HTT: variants seen among roughly 807,000 people sequenced by gnomAD.
HTT encodes the protein huntington disease protein.
In HTT, 104 loss-of-function variants were observed where a neutral mutation model predicts 362.3. The ratio of observed to expected loss-of-function variants is 0.29; its 90% CI spans 0.24 to 0.34. The LOEUF (loss-of-function observed/expected upper bound fraction) is 0.34. Among genes scored for constraint, HTT ranks in the 10% least tolerant of loss-of-function variants. The probability of loss-of-function intolerance (pLI) is 1.00; values close to 1 mark genes in which losing one functional copy is unlikely to be tolerated. For synonymous variants in HTT, 1,577 were observed against 1,548.7 expected, an observed-to-expected ratio of 1.02 and a Z score of -0.43; for missense variants, 3,301 against 3,928.6, an observed-to-expected ratio of 0.84 and a Z score of 4.27.
At chr4:3,151,647 T>C (rs953354394) in intron 26 of HTT, among the ~76,000 whole-genome samples, 2 of 152,174 alleles carry the variant, frequency 1.3e-5, no homozygotes, top group Non-Finnish European at 2.9e-5. Context: ...ATGCTCCTTA[T>C]GAGAATCTAA....
chr4:3,082,178 T>C (rs1023123882), intron 1 of HTT, among the ~76,000 whole-genome samples: 1 of 152,088 alleles, frequency 6.6e-6, no homozygotes. Flanking sequence ...GTAATTCTTA[T>C]TAATTGCTAT....
intron 29 of HTT, among the ~76,000 whole-genome samples, chr4:3,170,331 T>A (rs1441938831): frequency 1.3e-5 from 2 of 152,162 alleles, no homozygotes; most frequent in Non-Finnish European, 1.5e-5. Flanking sequence ...TCTTTAGGAA[T>A]AATTAGGTAC....
intron 28 of HTT, among the ~76,000 whole-genome samples, chr4:3,158,011 T>C (rs1717242445): frequency 6.6e-6 from 1 of 151,986 alleles, no homozygotes; most frequent in Admixed American, 6.6e-5. Flanking sequence ...TTTTCTTTTT[T>C]AGACAGAGTC....
At chr4:3,160,431 A>C in intron 29 of HTT, 39 bp downstream of exon 29, 1 of 1,338,880 alleles carries the variant, frequency 7.5e-7, no homozygotes, top group South Asian at 1.3e-5. Context: ...TGTGGCTGGC[A>C]CACTTGATGT....
intron 6 of HTT, among the ~76,000 whole-genome samples, chr4:3,113,500 T>G (rs1222914993): frequency 2.0e-5 from 3 of 152,114 alleles, no homozygotes; most frequent in Admixed American, 6.5e-5. Flanking sequence ...TGGCTAATGT[T>G]TGTATTTTTA....
At position 3,228,808 on chromosome 4, in the gene HTT, G is replaced by A; in HGVS notation, c.7979+63G>A. 6.3e-7 allele frequency: 1 copy of A among 1,579,100 alleles called. No homozygotes were observed. The highest frequency in any genetic ancestry group is 8.6e-7 in the Non-Finnish European group (1 of 1,156,200). On this transcript the variant is annotated intron_variant, in intron 58 of 66. Transcript: ENST00000355072. The surrounding 1 kb of genome is among the most constrained non-coding windows in gnomAD (Gnocchi z 4.3). The stretch of plus-strand genomic sequence containing the variant: ...AAATTTCTTATCAGTCATTTGATTT[G>A]TTTGAGGTGCTTCTTGAAATGAGCC...
At chr4:3,151,253 C>G in intron 26 of HTT, among the ~76,000 whole-genome samples, 1 of 152,072 alleles carries the variant, frequency 6.6e-6, no homozygotes, top group East Asian at 1.9e-4. Context: ...GCTGTACAGG[C>G]TTCTGTTTCT....
intron 1 of HTT, among the ~76,000 whole-genome samples, chr4:3,084,795 C>T (rs753440998): frequency 6.6e-6 from 1 of 151,848 alleles, no homozygotes; most frequent in Admixed American, 6.6e-5. Flanking sequence ...GGGCAGATCA[C>T]GAGGTCAGGA....
chr4:3,175,257 T>A, intron 33 of HTT, 150 bp downstream of exon 33: 1 of 750,052 alleles, frequency 1.3e-6, no homozygotes, highest in Non-Finnish European at 2.1e-6. Context: ...ACCTAGCTGG[T>A]GCAGAAGGCC....
chr4:3,105,192 T>C (rs936913827), intron 4 of HTT, among the ~76,000 whole-genome samples, 165 bp from the exon 5 acceptor site: 2 of 152,234 alleles, frequency 1.3e-5, no homozygotes, highest in African/African-American at 4.8e-5. Flanking sequence ...ATCTTTATAA[T>C]TGAAGCCCAC....
At chr4:3,159,520 T>G (rs1016512602) in intron 28 of HTT, among the ~76,000 whole-genome samples, 4 of 152,370 alleles carry the variant, frequency 2.6e-5, no homozygotes, top group Middle Eastern at 3.4e-3. Flanking sequence ...TTGGCTGGCC[T>G]TAGGGCACAC....
chr4:3,243,617 C>T lies in HTT; in HGVS notation c.*3558C>T, dbSNP rs990582090. On this transcript the variant is annotated 3_prime_UTR_variant, in exon 67 of 67. Coordinates refer to ENST00000355072, the MANE Select transcript of HTT (RefSeq NM_001388492.1). ...TGGTGCAGTCAAAGGAACGCCTTCC[C>T]CTCAGTTGTTTCTAAGAGCAGAGTC... is the stretch of plus-strand genomic sequence containing the variant. 6.6e-6 allele frequency: 1 copy of T among 152,284 alleles called. No individual in the cohort carries two copies. Among genetic ancestry groups the T allele is most frequent in the Non-Finnish European group, 1.5e-5 (1 of 68,070 alleles). The allele number at this position is 152,284 out of a possible 1,614,324, so 9.4% of individuals were successfully genotyped here.
Position 3,228,784 on chromosome 4 carries a change from A to G in HTT, c.7979+39A>G. ...CTTTTTCTTTTTAACAGAAATTTGA[A>G]ATTTCTTATCAGTCATTTGATTTGT... On this transcript the variant is annotated intron_variant, in intron 58 of 66. Transcript: ENST00000355072. This position sits in a 1 kb window ranked among gnomAD's most constrained non-coding sequence, Gnocchi z 4.3. 1 of 1,565,214 alleles carries G rather than the reference A, an allele frequency of 6.4e-7. No homozygotes were observed. Among genetic ancestry groups the G allele is most frequent in the Non-Finnish European group, 8.7e-7 (1 of 1,152,212 alleles).
intron 57 of HTT, among the ~76,000 whole-genome samples, chr4:3,226,717 T>G (rs1050031059): frequency 1.3e-5 from 2 of 152,260 alleles, no homozygotes; most frequent in Non-Finnish European, 2.9e-5. Flanking sequence ...GAAACACTTA[T>G]GAGCTCTGAG....
chr4:3,140,357 G>T lies in HTT; in HGVS notation c.2799-153G>T, dbSNP rs1325494252. ...CTGAGATTGGAGACAACGCTGTCAC[G>T]TGCTTGAAGAACGCCACCTGAGAAA... On this transcript the variant is annotated intron_variant, in intron 21 of 66. Transcript: ENST00000355072. 2.0e-5 allele frequency among the ~76,000 whole-genome samples: 3 copies of T among 152,294 alleles called. No homozygotes were observed. In the East Asian group the frequency reaches 5.8e-4, roughly 29 times the overall value.
chr4:3,124,691 A>G (rs1278327299), intron 10 of HTT, among the ~76,000 whole-genome samples: 1 of 152,174 alleles, frequency 6.6e-6, no homozygotes, highest in Non-Finnish European at 1.5e-5. Context: ...CTTATTTTGT[A>G]ATAAAGTTTC....
chr4:3,192,795 G>GC, intron 40 of HTT, among the ~76,000 whole-genome samples: 1 of 152,302 alleles, frequency 6.6e-6, no homozygotes, highest in Non-Finnish European at 1.5e-5. Flanking sequence ...TACACATTTT[G>GC]CATACATATC....
intron 23 of HTT, among the ~76,000 whole-genome samples, chr4:3,143,471 A>G (rs1716449997): frequency 6.6e-6 from 1 of 151,556 alleles, no homozygotes; most frequent in Non-Finnish European, 1.5e-5. Flanking sequence ...GAAAAAAGTA[A>G]ACTACTGTCA....
At chr4:3,156,202 C>T (rs1461236987) in intron 27 of HTT, among the ~76,000 whole-genome samples, 1 of 152,120 alleles carries the variant, frequency 6.6e-6, no homozygotes, top group Admixed American at 6.6e-5. Flanking sequence ...TCACTGCAAC[C>T]TCCGCCTCCC....
Sources: allele counts gnomAD v4.1 joint callset (sites outside exome capture counted in the v4.1 genomes callset), GRCh38; gene constraint gnomAD v4.1.1; non-coding constraint Gnocchi (gnomAD v3.1); transcripts MANE v1.5; gene names NCBI Gene and HGNC (gene_info 2026-07-23, HGNC 2026-07-21).